The following UNC13A variants were observed in gnomAD, a reference collection of about 807,000 sequenced individuals.
UNC13A encodes the protein unc-13 homolog A.
Under a neutral mutation model 219.7 loss-of-function variants are expected in UNC13A, and 61 were observed. The observed-to-expected ratio is 0.28, with a 90% CI of 0.23 to 0.34. The LOEUF (loss-of-function observed/expected upper bound fraction) is 0.34. UNC13A is among the 10% of genes least tolerant of loss of function. The pLI is 1.00. For missense variants in UNC13A, 1,476 were observed against 2,270.3 expected, an observed-to-expected ratio of 0.65 and a Z score of 7.11; for synonymous variants, 920 against 884.6, an observed-to-expected ratio of 1.04 and a Z score of -0.71.
intron 1 of UNC13A, among the ~76,000 whole-genome samples, chr19:17,686,431 G>T (rs1398326032): frequency 6.6e-6 from 1 of 151,312 alleles, no homozygotes; most frequent in Non-Finnish European, 1.5e-5. Flanking sequence ...GAACACCCAC[G>T]TCGGAACCTC....
intron 21 of UNC13A, 111 bp downstream of exon 21, chr19:17,641,282 C>A: frequency 7.2e-7 from 1 of 1,391,850 alleles, no homozygotes; most frequent in Non-Finnish European, 9.8e-7. Flanking sequence ...ACCACCACCA[C>A]GCCCACTTCC....
chr19:17,651,720 C>G (rs375169033), intron 12 of UNC13A, among the ~76,000 whole-genome samples: 2 of 152,268 alleles, frequency 1.3e-5, no homozygotes, highest in South Asian at 4.2e-4. Context: ...TCATAAATCA[C>G]GTGCACAGGA....
chr19:17,628,216 C>T, intron 31 of UNC13A: 1 of 496,632 alleles, frequency 2.0e-6, no homozygotes, highest in Non-Finnish European at 3.6e-6. Flanking sequence ...GCTGGGAACT[C>T]TGGGAGTAGC....
At chr19:17,629,210 G>T (rs765149872) in intron 31 of UNC13A, 30 bp downstream of exon 31, 15 of 1,571,798 alleles carry the variant, frequency 9.5e-6, no homozygotes, top group Middle Eastern at 4.2e-4. Flanking sequence ...GGCTGAGGAG[G>T]GAGATAGGTC....
chr19:17,610,220 C>T (rs2076587458), intron 42 of UNC13A, 121 bp from the exon 43 acceptor site: 3 of 1,348,480 alleles, frequency 2.2e-6, no homozygotes, highest in South Asian at 1.3e-5. Flanking sequence ...AATCCCACCA[C>T]TTCGGGAGGC....
intron 5 of UNC13A, 74 bp from the exon 6 acceptor site, chr19:17,668,264 A>G (rs1157804385): frequency 1.4e-6 from 2 of 1,475,038 alleles, no homozygotes; most frequent in Non-Finnish European, 1.9e-6. Context: ...AGGCCTACTG[A>G]GCTCCACCCG....
At chr19:17,644,103 T>C (rs1425563574) in intron 19 of UNC13A, among the ~76,000 whole-genome samples, 1 of 152,162 alleles carries the variant, frequency 6.6e-6, no homozygotes, top group Non-Finnish European at 1.5e-5. Context: ...CTCAACTTCC[T>C]TACACAGGGT....
At chr19:17,684,079 G>T (rs1420806299) in intron 1 of UNC13A, among the ~76,000 whole-genome samples, 3 of 152,170 alleles carry the variant, frequency 2.0e-5, no homozygotes, top group Non-Finnish European at 2.9e-5. Context: ...CTGAGTAACA[G>T]GCTTTGAGTG....
At chr19:17,638,075 T>C (rs1026856660) in intron 25 of UNC13A, among the ~76,000 whole-genome samples, 3 of 102,916 alleles carry the variant, frequency 2.9e-5, no homozygotes, top group African/African-American at 1.2e-4. Context: ...TATCAGAACC[T>C]GGGTAGGGGC....
At position 17,605,900 on chromosome 19, in the gene UNC13A, G is replaced by C. The variant is rs780691845; in HGVS notation, c.*154C>G. On this transcript the variant is annotated 3_prime_UTR_variant, in exon 44 of 44. Transcript: ENST00000519716. ...ATCCTCCATTCCTAATTCCCCAAAA[G>C]GGAAAGCTGAGTCAAGGGCGTAGGC... 165 of 712,576 alleles carry C rather than the reference G, an allele frequency of 2.3e-4. 1 individual carries two copies. Among genetic ancestry groups the C allele is most frequent in the Admixed American group, 7.4e-4 (17 of 23,024 alleles). 44.1% of individuals were successfully genotyped at this position (712,576 alleles called of 1,614,324 possible).
In UNC13A at chr19:17,607,404, G is replaced by C. The variant is rs562775700; in HGVS notation, c.4812-1050C>G. Among the ~76,000 whole-genome samples the C allele has an allele frequency of 1.6e-3, 216 of 135,490 alleles. 1 individual carries two copies. The highest frequency in any genetic ancestry group is 3.0e-3 in the Non-Finnish European group (194 of 63,730). The allele number at this position is 135,490 out of a possible 152,430, so 88.9% of individuals were successfully genotyped here. On this transcript the variant is annotated intron_variant, in intron 43 of 43. Transcript: ENST00000519716. ...AGCCTCCCTAGTAGCTGGGATTACA[G>C]GCATGCACCACCACACCGGGCTGAT...
chr19:17,660,645 C>CCT (rs2079535703), intron 8 of UNC13A, among the ~76,000 whole-genome samples: 1 of 151,550 alleles, frequency 6.6e-6, no homozygotes, highest in South Asian at 2.1e-4. Flanking sequence ...GATTCTCCTG[C>CCT]CTCAGCCTCC....
chr19:17,688,038 G>A, intron 1 of UNC13A, 140 bp downstream of exon 1: 1 of 1,091,496 alleles, frequency 9.2e-7, no homozygotes, highest in Non-Finnish European at 1.2e-6. Flanking sequence ...CAGCTGCGTC[G>A]ACAAGGGCTA....
chr19:17,674,576 G>A lies in UNC13A; in HGVS notation c.152+81C>T. On this transcript the variant is annotated intron_variant, in intron 3 of 43. Coordinates refer to ENST00000519716, the MANE Select transcript of UNC13A (RefSeq NM_001080421.3). This position sits in a 1 kb window ranked among gnomAD's most constrained non-coding sequence, Gnocchi z 5.0. The stretch of plus-strand genomic sequence containing the variant: ...GAGGGGAGTCACCCGGGATTCCCCA[G>A]TGTCCAGCTCTGCCCTGAGGGGCCA... 1 of 1,280,222 alleles carries A rather than the reference G, an allele frequency of 7.8e-7. No individual in the cohort carries two copies. Among genetic ancestry groups the A allele is most frequent in the Non-Finnish European group, 1.1e-6 (1 of 889,196 alleles). 79.3% of individuals were successfully genotyped at this position (1,280,222 alleles called of 1,614,324 possible).
rs201487315 is a variant in UNC13A, at chr19:17,626,735, C to A, written c.3971G>T (p.Ser1324Ile). ...CACATTGCCTGTGCCCTTAACCTGG[C>A]TAAGGATGTCACCCATCTGTTTGAC... ...ECVKQMGDIL[S>I]QVKGTGNVPA... Residue 1324 changes from serine (S) to isoleucine (I), a missense_variant, in exon 34 of 44, where the codon AGC (serine) becomes ATC (isoleucine). Coordinates refer to ENST00000519716, the MANE Select transcript of UNC13A (RefSeq NM_001080421.3). 145 of 1,611,814 alleles carry A rather than the reference C, an allele frequency of 9.0e-5. No homozygotes were observed. Among genetic ancestry groups the A allele is most frequent in the Middle Eastern group, 8.3e-4 (5 of 6,060 alleles).
At chr19:17,673,218 G>A (rs1001026780) in intron 3 of UNC13A, among the ~76,000 whole-genome samples, 2 of 151,514 alleles carry the variant, frequency 1.3e-5, no homozygotes, top group Admixed American at 1.3e-4. Flanking sequence ...TTAGCCGGGC[G>A]TGGTGGTGCA....
At chr19:17,621,740 C>T in intron 37 of UNC13A, 92 bp downstream of exon 37, 2 of 1,396,192 alleles carry the variant, frequency 1.4e-6, no homozygotes, top group Admixed American at 1.7e-5. Flanking sequence ...CCCCCAGCTG[C>T]CCTTCCTGCC....
intron 1 of UNC13A, among the ~76,000 whole-genome samples, chr19:17,683,946 G>T (rs1320711083): frequency 6.6e-6 from 1 of 151,124 alleles, no homozygotes; most frequent in Admixed American, 6.6e-5. Flanking sequence ...AAAGAAAAAA[G>T]TCAGCCGGGT....
intron 25 of UNC13A, among the ~76,000 whole-genome samples, chr19:17,637,541 ACCCAC>A (rs902850370): frequency 2.7e-5 from 4 of 150,910 alleles, no homozygotes; most frequent in Non-Finnish European, 5.9e-5. Flanking sequence ...CTCATGATCC[ACCCAC>A]CTCGGCCTCT....
Sources: allele counts gnomAD v4.1 joint callset (sites outside exome capture counted in the v4.1 genomes callset), GRCh38; gene constraint gnomAD v4.1.1; non-coding constraint Gnocchi (gnomAD v3.1); transcripts MANE v1.5; gene names NCBI Gene and HGNC (gene_info 2026-07-23, HGNC 2026-07-21).